PKNOX2: variants seen among roughly 807,000 people sequenced by gnomAD.
PKNOX2 encodes the protein PBX/knotted 1 homeobox 2, also known as homeobox protein PKNOX2.
PKNOX2 carries 14 observed loss-of-function variants against 53.1 expected under a neutral mutation model. That is an observed-to-expected ratio of 0.26 (90% CI 0.17 to 0.41). The LOEUF is 0.41. Ranked by LOEUF, PKNOX2 falls within the 10% of genes least tolerant of loss-of-function variation. The pLI is 1.00. For missense variants in PKNOX2, 496 were observed against 602.8 expected (o/e 0.82, Z 1.85); for synonymous variants, 257 against 242.8 (o/e 1.06, Z -0.54).
At chr11:125,377,676 T>A (rs1392486906) in intron 5 of PKNOX2, among the ~76,000 whole-genome samples, 3 of 152,194 alleles carry the variant, frequency 2.0e-5, no homozygotes, top group African/African-American at 7.2e-5. Flanking sequence ...TTGGCTTCCT[T>A]GAGCCACATT....
intron 1 of PKNOX2, among the ~76,000 whole-genome samples, chr11:125,202,076 A>G (rs926176254): frequency 4.6e-5 from 7 of 152,242 alleles, no homozygotes; most frequent in African/African-American, 1.7e-4. Context: ...TGGGACTCCC[A>G]ACAAGACGGC....
In PKNOX2 at chr11:125,173,493, C is replaced by T. The variant is rs1955473530; in HGVS notation, c.-201+8717C>T. On this transcript the variant is annotated intron_variant, in intron 1 of 12. Coordinates refer to ENST00000298282, the MANE Select transcript of PKNOX2 (RefSeq NM_001382323.2). ...CAACACAAGCCATTCCTGAGCTCTA[C>T]CTAGTCCTCTCCCAAGATCTTTCAT... Among the ~76,000 whole-genome samples, 3 of 152,194 alleles carry T rather than the reference C, an allele frequency of 2.0e-5. No homozygotes were observed. The South Asian group carries it at 6.2e-4, about 31-fold the overall frequency.
intron 1 of PKNOX2, among the ~76,000 whole-genome samples, chr11:125,203,439 T>C (rs962623938): frequency 6.6e-6 from 1 of 152,216 alleles, no homozygotes; most frequent in Non-Finnish European, 1.5e-5. Flanking sequence ...TGTCTGGACA[T>C]CAGGACAATT....
chr11:125,281,692 ATG>A (rs1946567892), intron 2 of PKNOX2, among the ~76,000 whole-genome samples: 1 of 152,164 alleles, frequency 6.6e-6, no homozygotes, highest in African/African-American at 2.4e-5. Flanking sequence ...AAAACAAACC[ATG>A]TGTTTCCTTT....
intron 1 of PKNOX2, among the ~76,000 whole-genome samples, chr11:125,183,626 C>G (rs1956279053): frequency 6.6e-6 from 1 of 152,120 alleles, no homozygotes; most frequent in African/African-American, 2.4e-5. Flanking sequence ...TCATAAGACA[C>G]TGACTCTTTT....
At chr11:125,396,208 T>C (rs1954389221) in intron 6 of PKNOX2, among the ~76,000 whole-genome samples, 1 of 152,138 alleles carries the variant, frequency 6.6e-6, no homozygotes, top group Admixed American at 6.6e-5. Flanking sequence ...CCTGCCTCGA[T>C]GTCCCAAAGT....
chr11:125,320,746 A>C (rs1166446917), intron 2 of PKNOX2, among the ~76,000 whole-genome samples: 2 of 152,136 alleles, frequency 1.3e-5, no homozygotes, highest in Non-Finnish European at 2.9e-5. Context: ...AGATGCTCTG[A>C]GGGTCAAAAA....
At chr11:125,344,747 G>A (rs1565502047) in intron 3 of PKNOX2, among the ~76,000 whole-genome samples, 1 of 152,238 alleles carries the variant, frequency 6.6e-6, no homozygotes, top group Non-Finnish European at 1.5e-5. Flanking sequence ...AGGACCCGGA[G>A]GGGCAGTAGG....
At chr11:125,330,088 C>G (rs947569116) in intron 2 of PKNOX2, among the ~76,000 whole-genome samples, 18 of 151,380 alleles carry the variant, frequency 1.2e-4, no homozygotes, top group Non-Finnish European at 2.7e-4. Context: ...CGCTGTGGGG[C>G]CGATGGTGGG....
chr11:125,405,168 C>A (rs187138035), intron 7 of PKNOX2, among the ~76,000 whole-genome samples: 1 of 152,360 alleles, frequency 6.6e-6, no homozygotes, highest in African/African-American at 2.4e-5. Context: ...GGCATGGGCT[C>A]TTTTACAGTC....
At chr11:125,317,065 A>G (rs898491182) in intron 2 of PKNOX2, among the ~76,000 whole-genome samples, 3 of 152,244 alleles carry the variant, frequency 2.0e-5, no homozygotes, top group Admixed American at 2.0e-4. Flanking sequence ...AGGAGATTCC[A>G]TCTCAGAAAA....
intron 1 of PKNOX2, among the ~76,000 whole-genome samples, chr11:125,170,289 G>C (rs1374747977): frequency 2.0e-5 from 3 of 152,198 alleles, no homozygotes; most frequent in African/African-American, 7.2e-5. Context: ...CGCGGCTCTG[G>C]TGGAATGCTT....
chr11:125,208,916 T>A (rs981728116), intron 1 of PKNOX2, among the ~76,000 whole-genome samples: 1 of 151,958 alleles, frequency 6.6e-6, no homozygotes, highest in Non-Finnish European at 1.5e-5. Context: ...TGGGAGTACT[T>A]GGCCACCTCA....
At chr11:125,410,394 G>A in intron 8 of PKNOX2, 69 bp downstream of exon 8, 1 of 1,593,760 alleles carries the variant, frequency 6.3e-7, no homozygotes, top group African/African-American at 1.3e-5. Flanking sequence ...CCCCGAGGCG[G>A]TTCCAGGGGT....
intron 7 of PKNOX2, 167 bp from the exon 8 acceptor site, chr11:125,410,029 C>A: frequency 1.1e-6 from 1 of 876,128 alleles, no homozygotes; most frequent in Non-Finnish European, 1.7e-6. Context: ...TTCTTATTCA[C>A]CCTTTCTAGG....
chr11:125,186,012 A>AT (rs1020719653), intron 1 of PKNOX2, among the ~76,000 whole-genome samples: 6 of 150,740 alleles, frequency 4.0e-5, no homozygotes, highest in African/African-American at 9.8e-5. Flanking sequence ...AAGAATCTCA[A>AT]TTTTTTTCAC....
intron 3 of PKNOX2, among the ~76,000 whole-genome samples, chr11:125,349,264 C>T (rs1951164492): frequency 6.6e-6 from 1 of 151,956 alleles, no homozygotes; most frequent in African/African-American, 2.4e-5. Flanking sequence ...CTGCAATCCT[C>T]ACTCTGCTCT....
intron 1 of PKNOX2, among the ~76,000 whole-genome samples, chr11:125,207,689 T>G (rs1333248809): frequency 6.6e-6 from 1 of 151,940 alleles, no homozygotes; most frequent in Non-Finnish European, 1.5e-5. Context: ...TACTGGCACC[T>G]GGGGAGAGAG....
At chr11:125,410,580 C>A in intron 8 of PKNOX2, 199 bp from the exon 9 acceptor site, 1 of 648,658 alleles carries the variant, frequency 1.5e-6, no homozygotes, top group Non-Finnish European at 2.7e-6. Context: ...TTCCCCGAAG[C>A]ACCTCCCACC....
Sources: gnomAD v4.1 joint callset for allele counts (sites outside exome capture counted in the v4.1 genomes callset) on GRCh38, gnomAD v4.1.1 for gene constraint, MANE v1.5 for transcripts, NCBI Gene and HGNC (gene_info 2026-07-23, HGNC 2026-07-21) for gene names.